ELMO1: variants seen among roughly 807,000 people sequenced by gnomAD.
ELMO1 encodes engulfment and cell motility 1, also known as engulfment and cell motility protein 1.
Under a neutral mutation model 98.9 loss-of-function variants are expected in ELMO1, and 26 were observed. The ratio of observed to expected loss-of-function variants is 0.26; its 90% confidence interval spans 0.19 to 0.36. ELMO1 has a LOEUF of 0.36. Ranked by LOEUF, ELMO1 falls within the 10% of genes least tolerant of loss-of-function variation. The probability of loss-of-function intolerance (pLI) is 1.00; values close to 1 mark genes in which losing one functional copy is unlikely to be tolerated. For synonymous variants in ELMO1, 346 were observed against 346.0 expected (o/e 1.00, Z 0.00); for missense variants, 627 against 935.2 (o/e 0.67, Z 4.30).
intron 15 of ELMO1, among the ~76,000 whole-genome samples, chr7:37,046,702 G>A (rs1795815259): frequency 6.6e-6 from 1 of 152,146 alleles, no homozygotes; most frequent in South Asian, 2.1e-4. Context: ...AGGGATCAAG[G>A]GGAAGGCCAC....
intron 1 of ELMO1, among the ~76,000 whole-genome samples, chr7:37,430,910 C>T (rs765353242): frequency 6.6e-6 from 1 of 150,918 alleles, no homozygotes; most frequent in Non-Finnish European, 1.5e-5. Context: ...GTCTGGATCC[C>T]ACAAGGCAGC....
intron 1 of ELMO1, among the ~76,000 whole-genome samples, chr7:37,377,958 C>T (rs1182374750): frequency 6.6e-6 from 1 of 152,202 alleles, no homozygotes; most frequent in African/African-American, 2.4e-5. Flanking sequence ...ATATGGAAAT[C>T]GACCTTGTCT....
chr7:37,342,747 G>C lies in ELMO1; in HGVS notation c.-57C>G. The stretch of plus-strand genomic sequence containing the variant: ...GAATGAGGATCCTACAGCGTAAACG[G>C]CCACACGTGTCTATACCTAATGAGG... On this transcript the variant is annotated 5_prime_UTR_variant, in exon 2 of 22. Transcript: ENST00000310758. This position sits in a 1 kb window ranked among gnomAD's most constrained non-coding sequence, Gnocchi z 4.3. The C allele has an allele frequency of 6.8e-7, 1 of 1,464,472 alleles. No homozygotes were observed. The highest frequency in any genetic ancestry group is 9.4e-7 in the Non-Finnish European group (1 of 1,066,320). The allele number at this position is 1,464,472 out of a possible 1,614,324, so 90.7% of individuals were successfully genotyped here.
intron 1 of ELMO1, among the ~76,000 whole-genome samples, chr7:37,421,232 T>G (rs770264969): frequency 3.9e-5 from 6 of 152,216 alleles, no homozygotes; most frequent in Non-Finnish European, 7.3e-5. Context: ...ACAGCCCATT[T>G]CAAGAGAAAA....
chr7:37,349,025 G>T (rs1407033459), intron 1 of ELMO1, among the ~76,000 whole-genome samples: 1 of 152,174 alleles, frequency 6.6e-6, no homozygotes, highest in African/African-American at 2.4e-5. Flanking sequence ...GTGTGTTGGG[G>T]AAACGAACAC....
rs537388417 is a variant in ELMO1, at chr7:37,092,366, CTTTTTTT to C, written c.1300+4246_1300+4252del. Among the ~76,000 whole-genome samples, 72 of 68,904 alleles carry C rather than the reference CTTTTTTT, an allele frequency of 1.0e-3. 2 individuals carry two copies. The highest frequency in any genetic ancestry group is 2.0e-3 in the African/African-American group (45 of 21,966). 45.2% of individuals were successfully genotyped at this position (68,904 alleles called of 152,430 possible). A position where few individuals can be genotyped will look rare whatever the true frequency, so the allele number is the denominator to read the frequency against. ...ACTTGCAAAAAAAATTACCCATATT[CTTTTTTT>C]TTTTTTTTTTTTTTTTTTTTTTGGA... On this transcript the variant is annotated intron_variant, in intron 15 of 21. Coordinates refer to ENST00000310758, the MANE Select transcript of ELMO1 (RefSeq NM_014800.11).
At chr7:36,931,235 C>G (rs190324757) in intron 16 of ELMO1, among the ~76,000 whole-genome samples, 49 of 152,216 alleles carry the variant, frequency 3.2e-4, no homozygotes, top group Non-Finnish European at 7.3e-5. Flanking sequence ...CTGCTTAAGA[C>G]GTAATGGATG....
chr7:36,901,740 G>A (rs1253433258), intron 16 of ELMO1, among the ~76,000 whole-genome samples: 1 of 152,096 alleles, frequency 6.6e-6, no homozygotes. Flanking sequence ...GAGATGTAGA[G>A]CATTGCACCC....
At chr7:37,264,438 A>C (rs1796143671) in intron 5 of ELMO1, among the ~76,000 whole-genome samples, 1 of 152,208 alleles carries the variant, frequency 6.6e-6, no homozygotes, top group Non-Finnish European at 1.5e-5. Flanking sequence ...GTAATATTCT[A>C]AACAATTTTC....
chr7:37,408,862 C>G (rs563350631), intron 1 of ELMO1, among the ~76,000 whole-genome samples: 1 of 152,266 alleles, frequency 6.6e-6, no homozygotes, highest in East Asian at 1.9e-4. Context: ...ATAGTTTATG[C>G]TATTGTGCTG....
intron 7 of ELMO1, among the ~76,000 whole-genome samples, chr7:37,242,282 A>G (rs1346079196): frequency 6.6e-6 from 1 of 152,196 alleles, no homozygotes; most frequent in African/African-American, 2.4e-5. Context: ...TTTCAATTTT[A>G]TAACTGACAT....
chr7:37,436,524 T>G (rs1397325353), intron 1 of ELMO1, among the ~76,000 whole-genome samples: 1 of 152,258 alleles, frequency 6.6e-6, no homozygotes, highest in Non-Finnish European at 1.5e-5. Context: ...CACATGGCTC[T>G]CTGACACCCA....
At chr7:36,866,406 G>A (rs1390855357) in intron 20 of ELMO1, among the ~76,000 whole-genome samples, 1 of 152,148 alleles carries the variant, frequency 6.6e-6, no homozygotes, top group African/African-American at 2.4e-5. Context: ...GCTCCAGAAA[G>A]ACAGGACCCC....
At chr7:37,063,245 A>C (rs941629379) in intron 15 of ELMO1, among the ~76,000 whole-genome samples, 2 of 152,196 alleles carry the variant, frequency 1.3e-5, no homozygotes, top group African/African-American at 4.8e-5. Flanking sequence ...CTACACCTGG[A>C]CCAAGTATGA....
intron 16 of ELMO1, among the ~76,000 whole-genome samples, chr7:36,923,253 T>C (rs1324772930): frequency 6.6e-6 from 1 of 152,228 alleles, no homozygotes; most frequent in Non-Finnish European, 1.5e-5. Context: ...CACAACCTTA[T>C]AGAACTAATG....
At chr7:37,174,312 G>A (rs926973962) in intron 13 of ELMO1, among the ~76,000 whole-genome samples, 8 of 152,268 alleles carry the variant, frequency 5.3e-5, no homozygotes, top group Non-Finnish European at 1.2e-4. Flanking sequence ...ATTCACGGAG[G>A]CAAACCTACT....
intron 16 of ELMO1, among the ~76,000 whole-genome samples, chr7:37,001,209 T>C (rs1792647258): frequency 6.6e-6 from 1 of 152,204 alleles, no homozygotes; most frequent in Admixed American, 6.5e-5. Context: ...ATAAGGCCTG[T>C]TGGCATTTGG....
intron 21 of ELMO1, among the ~76,000 whole-genome samples, chr7:36,858,729 G>A (rs1054723484): frequency 3.3e-5 from 5 of 152,192 alleles, no homozygotes; most frequent in Non-Finnish European, 5.9e-5. Context: ...AGAGGAGGCT[G>A]AAGTGAGGTG....
chr7:37,124,725 G>C (rs1342792647), intron 14 of ELMO1, among the ~76,000 whole-genome samples: 1 of 152,116 alleles, frequency 6.6e-6, no homozygotes, highest in Non-Finnish European at 1.5e-5. Flanking sequence ...GTAATTTATA[G>C]ATTCAATGCC....
Sources: allele counts gnomAD v4.1 joint callset (sites outside exome capture counted in the v4.1 genomes callset), GRCh38; gene constraint gnomAD v4.1.1; non-coding constraint Gnocchi (gnomAD v3.1); transcripts MANE v1.5; gene names NCBI Gene and HGNC (gene_info 2026-07-23, HGNC 2026-07-21).